The following MYO5B variants were observed in gnomAD, a reference collection of about 807,000 sequenced individuals.
MYO5B encodes myosin VB.
A neutral mutation model predicts 229.3 loss-of-function variants in MYO5B; 143 were observed. The observed-to-expected ratio is 0.62, with a 90% CI of 0.54 to 0.72. MYO5B has a LOEUF of 0.72. Among genes scored for constraint, MYO5B ranks in the 30% least tolerant of loss-of-function variants. The pLI is 0.00. For missense variants in MYO5B, 2,321 were observed against 2,331.0 expected (o/e 1.00, Z 0.09); for synonymous variants, 918 against 885.2 (o/e 1.04, Z -0.66).
rs3831421 is a variant in MYO5B at position 49,929,435 on chromosome 18, C to CA, written c.2090+76dup. 80,391 of 1,217,174 alleles carry CA rather than the reference C, an allele frequency of 0.066. 7,068 individuals are homozygous for CA. Among genetic ancestry groups the CA allele is most frequent in the East Asian group, 0.36 (14,556 of 40,416 alleles). 75.4% of individuals were successfully genotyped at this position (1,217,174 alleles called of 1,614,324 possible). On this transcript the variant is annotated intron_variant, in intron 17 of 39. Coordinates refer to ENST00000285039, the MANE Select transcript of MYO5B (RefSeq NM_001080467.3). Reference sequence around the variant, plus strand: ...GGATCTGTTTCTGGCCGACGGTACACAGAGGGCTCCCTGGGGAACCAAACT... The same window carrying CA: ...GGATCTGTTTCTGGCCGACGGTACACAAGAGGGCTCCCTGGGGAACCAAACT...
At chr18:49,915,731 C>T (rs1272967651) in intron 17 of MYO5B, among the ~76,000 whole-genome samples, 1 of 152,214 alleles carries the variant, frequency 6.6e-6, no homozygotes, top group African/African-American at 2.4e-5. Context: ...TCAGAACACT[C>T]CTAAGCCCTG....
chr18:49,958,122 G>A (rs1341347124), intron 12 of MYO5B, among the ~76,000 whole-genome samples: 1 of 152,068 alleles, frequency 6.6e-6, no homozygotes. Flanking sequence ...CCCATACCTG[G>A]GTGGCTGGAT....
At chr18:49,904,308 C>A (rs977761105) in intron 20 of MYO5B, among the ~76,000 whole-genome samples, 3 of 152,172 alleles carry the variant, frequency 2.0e-5, no homozygotes, top group African/African-American at 7.2e-5. Context: ...TCTCACCATG[C>A]GACCTCTGCA....
intron 14 of MYO5B, among the ~76,000 whole-genome samples, chr18:49,946,673 A>ATAC (rs11444327): frequency 1 from 152,316 of 152,316 alleles, 76,158 homozygotes; most frequent in Non-Finnish European, 1. Context: ...TATAATCTGG[A>ATAC]ATCAACATAA....
intron 35 of MYO5B, among the ~76,000 whole-genome samples, chr18:49,840,879 A>T (rs1417236108): frequency 6.6e-6 from 1 of 152,212 alleles, no homozygotes; most frequent in Non-Finnish European, 1.5e-5. Context: ...CTGGGCCTCC[A>T]GGTCAGTTTG....
chr18:50,078,716 T>C (rs77442647), intron 1 of MYO5B, among the ~76,000 whole-genome samples: 1,719 of 152,274 alleles, frequency 0.011, 17 homozygotes, highest in Non-Finnish European at 0.018. Flanking sequence ...ACCACACCCA[T>C]GACATAGCAA....
At chr18:49,863,190 C>A (rs551044492) in intron 29 of MYO5B, 37 bp downstream of exon 29, 17 of 1,542,176 alleles carry the variant, frequency 1.1e-5, no homozygotes, top group African/African-American at 4.1e-5. Context: ...CCCTTCTCCG[C>A]GGCCTCGTCC....
intron 35 of MYO5B, chr18:49,840,210 A>T (rs553298124): frequency 6.6e-6 from 1 of 152,380 alleles, no homozygotes; most frequent in South Asian, 2.1e-4. Context: ...AATGTGTATA[A>T]CATTGGGTAA....
intron 1 of MYO5B, among the ~76,000 whole-genome samples, chr18:50,156,785 T>C (rs992117601): frequency 2.0e-5 from 3 of 152,218 alleles, no homozygotes; most frequent in African/African-American, 7.2e-5. Flanking sequence ...TCCATTTTGA[T>C]GATAGAACTA....
chr18:50,161,953 C>T (rs978316089), intron 1 of MYO5B, among the ~76,000 whole-genome samples: 1 of 152,258 alleles, frequency 6.6e-6, no homozygotes, highest in Non-Finnish European at 1.5e-5. Context: ...AAGGCAGGGC[C>T]ACCAGCTTTT....
chr18:50,183,146 G>T (rs1029214118), intron 1 of MYO5B, among the ~76,000 whole-genome samples: 3 of 151,626 alleles, frequency 2.0e-5, no homozygotes, highest in Non-Finnish European at 4.4e-5. Context: ...TTGGATAATT[G>T]ATGATGCACG....
intron 22 of MYO5B, among the ~76,000 whole-genome samples, chr18:49,882,149 G>C (rs1042541261): frequency 5.3e-5 from 8 of 152,134 alleles, no homozygotes; most frequent in African/African-American, 1.7e-4. Context: ...ACACATGCCA[G>C]TGGCCCCTCA....
intron 17 of MYO5B, 42 bp downstream of exon 17, chr18:49,929,470 C>G (rs1317717690): frequency 6.5e-7 from 1 of 1,544,962 alleles, no homozygotes. Flanking sequence ...TCTGGCTGCT[C>G]TAGGGCAGCC....
intron 12 of MYO5B, among the ~76,000 whole-genome samples, chr18:49,960,062 G>C (rs901534491): frequency 6.6e-6 from 1 of 151,966 alleles, no homozygotes; most frequent in Admixed American, 6.6e-5. Context: ...ACAGGCCCTG[G>C]GGAGTGCTCC....
At chr18:49,959,708 G>A (rs565212930) in intron 12 of MYO5B, among the ~76,000 whole-genome samples, 119 of 152,302 alleles carry the variant, frequency 7.8e-4, no homozygotes, top group South Asian at 2.9e-3. Flanking sequence ...ATTGCTTCCA[G>A]GGTTCAAGGT....
intron 1 of MYO5B, among the ~76,000 whole-genome samples, chr18:50,166,511 T>A (rs967857497): frequency 1.3e-5 from 2 of 152,234 alleles, no homozygotes; most frequent in Admixed American, 6.5e-5. Context: ...GCTATTATAG[T>A]AGACCTTAAA....
intron 1 of MYO5B, among the ~76,000 whole-genome samples, chr18:50,129,974 A>G (rs930962922): frequency 4.6e-5 from 7 of 152,216 alleles, no homozygotes; most frequent in African/African-American, 1.7e-4. Flanking sequence ...CACCTCCTGC[A>G]GTCTTCCTTC....
intron 1 of MYO5B, among the ~76,000 whole-genome samples, chr18:50,149,259 C>A (rs909553173): frequency 1.6e-4 from 25 of 151,618 alleles, no homozygotes; most frequent in Non-Finnish European, 3.7e-4. Flanking sequence ...GCCATACTGC[C>A]CAAGGTAATT....
chr18:50,137,400 A>G (rs1299222115), intron 1 of MYO5B, among the ~76,000 whole-genome samples: 2 of 152,262 alleles, frequency 1.3e-5, no homozygotes, highest in African/African-American at 4.8e-5. Context: ...AATGCCATCA[A>G]CTAAAAATTT....
Sources: gnomAD v4.1 joint callset for allele counts (sites outside exome capture counted in the v4.1 genomes callset) on GRCh38, gnomAD v4.1.1 for gene constraint, MANE v1.5 for transcripts, NCBI Gene and HGNC (gene_info 2026-07-23, HGNC 2026-07-21) for gene names.